UCP1: variants seen among roughly 807,000 people sequenced by gnomAD.
UCP1 encodes mitochondrial brown fat uncoupling protein 1.
In UCP1, 24 loss-of-function variants were observed where a neutral mutation model predicts 26.2. That is an observed-to-expected ratio of 0.92 (90% CI 0.66 to 1.29). The LOEUF (loss-of-function observed/expected upper bound fraction) is 1.29. Among genes scored for constraint, UCP1 ranks in the 50% most tolerant of loss-of-function variants. UCP1 has a pLI of 0.00. For synonymous variants in UCP1, 164 were observed against 156.8 expected (o/e 1.05, Z -0.34); for missense variants, 402 against 388.7 (o/e 1.03, Z -0.29).
At chr4:140,567,668 A>G in intron 2 of UCP1, 111 bp downstream of exon 2, 2 of 1,381,552 alleles carry the variant, frequency 1.4e-6, no homozygotes, top group Non-Finnish European at 2.0e-6. Flanking sequence ...TTCAAATATG[A>G]ATGTTTTCTC....
intron 2 of UCP1, among the ~76,000 whole-genome samples, chr4:140,566,892 G>A (rs528137782): frequency 1.3e-5 from 2 of 152,356 alleles, no homozygotes; most frequent in Non-Finnish European, 2.9e-5. Flanking sequence ...GAAGGCAGTA[G>A]AGAACAGGGT....
Position 140,559,861 on chromosome 4 carries a change from C to G in UCP1, c.*35G>C. ...TTTTTATGATCCAGTCAGCAAGATT[C>G]CCACTGGTATGTTACATCATTTTCT... is the stretch of plus-strand genomic sequence containing the variant. On this transcript the variant is annotated 3_prime_UTR_variant, in exon 6 of 6. Coordinates refer to ENST00000262999, the MANE Select transcript of UCP1 (RefSeq NM_021833.5). 6.6e-7 allele frequency: 1 copy of G among 1,514,024 alleles called. No homozygotes were observed. Among genetic ancestry groups the G allele is most frequent in the Non-Finnish European group, 9.2e-7 (1 of 1,089,202 alleles). The allele number at this position is 1,514,024 out of a possible 1,614,324, so 93.8% of individuals were successfully genotyped here.
intron 1 of UCP1, 74 bp downstream of exon 1, chr4:140,568,530 G>A (rs1735855429): frequency 6.2e-7 from 1 of 1,601,970 alleles, no homozygotes. Context: ...CACCAAAGCA[G>A]AGAATAAATG....
Position 140,560,005 on chromosome 4 carries a change from A to C in UCP1, c.815T>G (p.Val272Gly), listed in dbSNP as rs1735642312. The change falls in exon 6 of 6, where the codon GTA (valine) becomes GGA (glycine). Residue 272 changes from valine to glycine, a missense_variant. By Grantham distance (109) the Val-to-Gly change is moderately radical. Coordinates refer to ENST00000262999, the MANE Select transcript of UCP1 (RefSeq NM_021833.5). Reference sequence around the variant, plus strand: ...GGATCCAAGTCGCAAGAAGGAAGGTACCAACCTAGAAAAGTGCATGTCATC... The same window carrying C: ...GGATCCAAGTCGCAAGAAGGAAGGTCCCAACCTAGAAAAGTGCATGTCATC... ...EGPTAFFKGL[V>G]PSFLRLGSWN... 1 of 1,613,182 alleles carries C rather than the reference A, an allele frequency of 6.2e-7. No homozygotes were observed. Among genetic ancestry groups the C allele is most frequent in the Admixed American group, 1.7e-5 (1 of 59,948 alleles).
chr4:140,561,966 C>T (rs939125812), intron 5 of UCP1, among the ~76,000 whole-genome samples: 9 of 152,120 alleles, frequency 5.9e-5, no homozygotes, highest in African/African-American at 2.2e-4. Context: ...AGGCACTGGT[C>T]TTGAATGAGC....
Position 140,567,978 on chromosome 4 carries a change from C to T in UCP1, c.127-1G>A. 6.2e-7 allele frequency: 1 copy of T among 1,614,168 alleles called. No individual in the cohort carries two copies. Among genetic ancestry groups the T allele is most frequent in the African/African-American group, 1.3e-5 (1 of 75,042 alleles). On this transcript the variant is annotated splice_acceptor_variant, in intron 1 of 5. Transcript: ENST00000262999. LOFTEE classifies it high-confidence loss of function. ...TGGACGTCGGGCATTCACCTTGGAC[C>T]TGGAAATAAGAAAGGTGCAGAACAG...
Position 140,559,780 on chromosome 4 carries a change from C to A in UCP1, c.*116G>T, listed in dbSNP as rs1184877425. 1.0e-5 allele frequency: 10 copies of A among 1,001,964 alleles called. No individual in the cohort carries two copies. The South Asian group carries it at 1.1e-4, about 11-fold the overall frequency. 62.1% of individuals were successfully genotyped at this position (1,001,964 alleles called of 1,614,324 possible). A position where few individuals can be genotyped will look rare whatever the true frequency, so the allele number is the denominator to read the frequency against. ...TTTTTATATAAAAAAGTCCAAAATTCTCTGCCAAAATTCCTTTATCTTTTT... is the reference window on the plus strand; with the variant it reads ...TTTTTATATAAAAAAGTCCAAAATTATCTGCCAAAATTCCTTTATCTTTTT... On this transcript the variant is annotated 3_prime_UTR_variant, in exon 6 of 6. Coordinates refer to ENST00000262999, the MANE Select transcript of UCP1 (RefSeq NM_021833.5).
At chr4:140,566,890 T>C (rs1578790686) in intron 2 of UCP1, among the ~76,000 whole-genome samples, 1 of 152,170 alleles carries the variant, frequency 6.6e-6, no homozygotes, top group Admixed American at 6.6e-5. Flanking sequence ...CAGAAGGCAG[T>C]AGAGAACAGG....
chr4:140,560,524 A>T (rs896157968), intron 5 of UCP1, among the ~76,000 whole-genome samples: 8 of 152,272 alleles, frequency 5.3e-5, no homozygotes, highest in Admixed American at 5.2e-4. Context: ...GGGAGGTAGG[A>T]AACTATTAGA....
At position 140,563,475 on chromosome 4, in the gene UCP1, AGTC is replaced by A; in HGVS notation, c.366_368del (p.Thr123del). On this transcript the variant is annotated inframe_deletion, in exon 3 of 6. Transcript: ENST00000262999. ...GCCCAATGAATACTGCCACTCCTCC[AGTC>A]GTTAGACCAGCTAAAATCTTGCTTC... is the stretch of plus-strand genomic sequence containing the variant. 1 of 1,614,180 alleles carries A rather than the reference AGTC, an allele frequency of 6.2e-7. No homozygotes were observed. The highest frequency in any genetic ancestry group is 8.5e-7 in the Non-Finnish European group (1 of 1,180,028).
intron 5 of UCP1, among the ~76,000 whole-genome samples, chr4:140,561,337 C>T (rs917813272): frequency 1.3e-5 from 2 of 152,036 alleles, no homozygotes; most frequent in African/African-American, 4.8e-5. Context: ...TTACTTAATA[C>T]TGTATTTTCT....
intron 5 of UCP1, among the ~76,000 whole-genome samples, chr4:140,560,760 A>AT (rs3034558): frequency 6.6e-6 from 1 of 151,582 alleles, no homozygotes; most frequent in African/African-American, 2.4e-5. Flanking sequence ...AAAAAAAAAA[A>AT]TCATAAAATT....
chr4:140,568,873 G>T lies in UCP1; in HGVS notation c.-144C>A. 1 of 1,307,432 alleles carries T rather than the reference G, an allele frequency of 7.6e-7. No individual in the cohort carries two copies. 81.0% of individuals were successfully genotyped at this position (1,307,432 alleles called of 1,614,324 possible). On this transcript the variant is annotated 5_prime_UTR_variant, in exon 1 of 6. Transcript: ENST00000262999. ...GAACCGACCGCCGGGCAGCGGCGGT[G>T]CAGAGGCGGCGGCTGCAGACGGAGC...
chr4:140,568,950 G>T lies in UCP1; in HGVS notation c.-221C>A. 1 of 652,160 alleles carries T rather than the reference G, an allele frequency of 1.5e-6. No homozygotes were observed. The highest frequency in any genetic ancestry group is 2.6e-6 in the Non-Finnish European group (1 of 386,044). 40.4% of individuals were successfully genotyped at this position (652,160 alleles called of 1,614,324 possible). On this transcript the variant is annotated 5_prime_UTR_variant, in exon 1 of 6. It adds an upstream start codon to the 5' untranslated region. Transcript: ENST00000262999. ...TCCCCTCCTACCCACCCTCGCGCCA[G>T]CAGGACCCTCTGCGTTCCGGTCTTC... is the stretch of plus-strand genomic sequence containing the variant.
chr4:140,568,459 G>T, intron 1 of UCP1, 145 bp downstream of exon 1: 1 of 1,367,810 alleles, frequency 7.3e-7, no homozygotes, highest in South Asian at 1.3e-5. Context: ...TAAAGCACCA[G>T]CCCTGGGACA....
At chr4:140,568,056 A>G (rs1470170054) in intron 1 of UCP1, 79 bp from the exon 2 acceptor site, 12 of 1,501,226 alleles carry the variant, frequency 8.0e-6, no homozygotes, top group South Asian at 1.1e-5. Context: ...CTGTGTTCCT[A>G]TTTTCCGTTT....
At chr4:140,562,051 A>G (rs1249065031) in intron 5 of UCP1, 142 bp downstream of exon 5, 3 of 986,264 alleles carry the variant, frequency 3.0e-6, no homozygotes, top group Non-Finnish European at 4.8e-6. Context: ...TGGATTGGAG[A>G]AATCTGTGGC....
At chr4:140,565,561 G>A (rs1389618256) in intron 2 of UCP1, among the ~76,000 whole-genome samples, 6 of 151,940 alleles carry the variant, frequency 3.9e-5, no homozygotes, top group African/African-American at 7.3e-5. Context: ...CCTTAGCACC[G>A]CCTGCAAGGC....
chr4:140,567,716 A>G, intron 2 of UCP1, 63 bp downstream of exon 2: 1 of 1,599,582 alleles, frequency 6.3e-7, no homozygotes. Flanking sequence ...TGTGTGTTAC[A>G]CTTTTTGGAA....
Sources: allele counts gnomAD v4.1 joint callset (sites outside exome capture counted in the v4.1 genomes callset), GRCh38; gene constraint gnomAD v4.1.1; transcripts MANE v1.5; gene names NCBI Gene and HGNC (gene_info 2026-07-23, HGNC 2026-07-21).